The following FGD4 variants were observed in gnomAD, a reference collection of about 807,000 sequenced individuals.
FGD4 encodes FYVE, RhoGEF and PH domain-containing protein 4.
FGD4 carries 42 observed loss-of-function variants against 102.0 expected under a neutral mutation model. That is an observed-to-expected ratio of 0.41 (90% CI 0.32 to 0.53). The LOEUF (loss-of-function observed/expected upper bound fraction) is 0.53, where lower values mean the gene tolerates loss of function less well. Among genes scored for constraint, FGD4 ranks in the 20% least tolerant of loss-of-function variants. FGD4 has a pLI of 0.21. For missense variants in FGD4, 902 were observed against 1,078.2 expected (o/e 0.84, Z 2.29); for synonymous variants, 380 against 375.7 (o/e 1.01, Z -0.13).
At chr12:32,481,123 G>A (rs1478927122) in intron 1 of FGD4, among the ~76,000 whole-genome samples, 3 of 29,100 alleles carry the variant, frequency 1.0e-4, no homozygotes, top group Admixed American at 6.3e-4. Flanking sequence ...GTGAGACTCC[G>A]TCTCAAAAAA....
At chr12:32,425,823 TC>T (rs1192913560) in intron 1 of FGD4, among the ~76,000 whole-genome samples, 1 of 152,178 alleles carries the variant, frequency 6.6e-6, no homozygotes, top group Non-Finnish European at 1.5e-5. Flanking sequence ...GGTATTTTAT[TC>T]TCTTTAGCAG....
intron 1 of FGD4, among the ~76,000 whole-genome samples, chr12:32,451,527 A>C (rs11831709): frequency 2.0e-5 from 3 of 152,198 alleles, no homozygotes; most frequent in South Asian, 2.1e-4. Flanking sequence ...CAAAGAGATC[A>C]CCATTAGTGA....
chr12:32,598,599 TTC>T lies in FGD4; in HGVS notation c.1101+16_1101+17del. 6.3e-7 allele frequency: 1 copy of T among 1,598,216 alleles called. No homozygotes were observed. Among genetic ancestry groups the T allele is most frequent in the Non-Finnish European group, 8.6e-7 (1 of 1,165,698 alleles). On this transcript the variant is annotated intron_variant, in intron 5 of 16. Coordinates refer to ENST00000534526, the MANE Select transcript of FGD4 (RefSeq NM_001370298.3). ...CCTCTTAGATCAGGTAAGATTTTCTTTCTCAGAATTATTTTATATTTTGGCAT... is the reference window on the plus strand; with the variant it reads ...CCTCTTAGATCAGGTAAGATTTTCTTTCAGAATTATTTTATATTTTGGCAT...
chr12:32,592,805 A>T (rs1262024900), intron 4 of FGD4, among the ~76,000 whole-genome samples: 2 of 152,336 alleles, frequency 1.3e-5, no homozygotes, highest in East Asian at 1.9e-4. Context: ...TGTATTTTGT[A>T]TACCTAATAA....
intron 1 of FGD4, among the ~76,000 whole-genome samples, chr12:32,467,679 T>G (rs1297566328): frequency 6.6e-6 from 1 of 152,202 alleles, no homozygotes; most frequent in African/African-American, 2.4e-5. Flanking sequence ...AATCTTGTAT[T>G]TTTTTAATTG....
At chr12:32,518,795 A>AC (rs1372995598) in intron 1 of FGD4, among the ~76,000 whole-genome samples, 1 of 151,146 alleles carries the variant, frequency 6.6e-6, no homozygotes, top group East Asian at 1.9e-4. Flanking sequence ...GACTAAAGAT[A>AC]CTACATCTTT....
intron 1 of FGD4, among the ~76,000 whole-genome samples, chr12:32,474,027 G>A (rs1943516059): frequency 6.6e-6 from 1 of 151,996 alleles, no homozygotes; most frequent in African/African-American, 2.4e-5. Context: ...GGCAGAGGTT[G>A]CAGTGAGCTG....
chr12:32,531,357 C>A (rs956454525), intron 1 of FGD4, among the ~76,000 whole-genome samples: 14 of 152,066 alleles, frequency 9.2e-5, no homozygotes, highest in Non-Finnish European at 2.1e-4. Context: ...GGGTACAATT[C>A]TGAGTTTTGA....
intron 1 of FGD4, among the ~76,000 whole-genome samples, chr12:32,505,619 C>T (rs557521664): frequency 6.6e-6 from 1 of 152,314 alleles, no homozygotes; most frequent in East Asian, 1.9e-4. Flanking sequence ...TTTTCTTGCT[C>T]AGTTGCTTGC....
At chr12:32,413,313 A>G (rs1228223273) in intron 1 of FGD4, among the ~76,000 whole-genome samples, 1 of 152,150 alleles carries the variant, frequency 6.6e-6, no homozygotes, top group South Asian at 2.1e-4. Flanking sequence ...TTATAGAAAA[A>G]AAAACTTTTA....
Position 32,645,490 on chromosome 12 carries a change from A to G in FGD4, c.*4957A>G, listed in dbSNP as rs1473837653. ...AACCCTGTCTCTACTAAATAAAAAT[A>G]AAACAAAATAAGTGTATCTGGGCCA... On this transcript the variant is annotated 3_prime_UTR_variant, in exon 17 of 17. Transcript: ENST00000534526. 1 of 152,062 alleles carries G rather than the reference A, an allele frequency of 6.6e-6. No homozygotes were observed. The highest frequency in any genetic ancestry group is 1.5e-5 in the Non-Finnish European group (1 of 68,064). 9.4% of individuals were successfully genotyped at this position (152,062 alleles called of 1,614,324 possible). A position where few individuals can be genotyped will look rare whatever the true frequency, so the allele number is the denominator to read the frequency against.
rs1193893936 is a variant in FGD4, at chr12:32,495,423, A to G, written c.167-68714A>G. Among the ~76,000 whole-genome samples the G allele has an allele frequency of 6.6e-5, 10 of 152,240 alleles. No individual in the cohort carries two copies. In the South Asian group the frequency reaches 2.1e-3, roughly 32 times the overall value. Reference sequence around the variant, plus strand: ...GGCAGATTGCTTTTCAGGGCTGGGCACGGTGGCTCACGCCTGTAATCCCAG... The same window carrying G: ...GGCAGATTGCTTTTCAGGGCTGGGCGCGGTGGCTCACGCCTGTAATCCCAG... On this transcript the variant is annotated intron_variant, in intron 1 of 16. Transcript: ENST00000534526.
At chr12:32,459,225 G>A (rs745811581) in intron 1 of FGD4, among the ~76,000 whole-genome samples, 1 of 128,900 alleles carries the variant, frequency 7.8e-6, no homozygotes, top group Non-Finnish European at 1.6e-5. Context: ...AGAGTCTCTC[G>A]CTCTATCACC....
chr12:32,600,356 C>G (rs983522772), intron 5 of FGD4: 1 of 762,094 alleles, frequency 1.3e-6, no homozygotes, highest in African/African-American at 1.8e-5. Flanking sequence ...ACTATAGTAA[C>G]CTAACTATTG....
chr12:32,554,872 A>C (rs1943966733), intron 1 of FGD4, among the ~76,000 whole-genome samples: 1 of 152,280 alleles, frequency 6.6e-6, no homozygotes, highest in Non-Finnish European at 1.5e-5. Flanking sequence ...AAGGGGCAAT[A>C]GTGGCCATAA....
rs549305811 is a variant in FGD4 at position 32,619,555 on chromosome 12, C to G, written c.1750-143C>G. 9 of 869,706 alleles carry G rather than the reference C, an allele frequency of 1.0e-5. No homozygotes were observed. The South Asian group carries it at 1.3e-4, about 12-fold the overall frequency. 53.9% of individuals were successfully genotyped at this position (869,706 alleles called of 1,614,324 possible). ...GCTGAGGCAGGAGAATGGCGTGAAC[C>G]CGGGAGGCAGAGCTTACAATGAGCC... On this transcript the variant is annotated intron_variant, in intron 10 of 16. Coordinates refer to ENST00000534526, the MANE Select transcript of FGD4 (RefSeq NM_001370298.3).
intron 1 of FGD4, among the ~76,000 whole-genome samples, chr12:32,406,581 T>G (rs1322479096): frequency 6.6e-6 from 1 of 151,280 alleles, no homozygotes. Flanking sequence ...AAGAAAAAAT[T>G]TATGCATGTG....
chr12:32,529,059 G>A (rs903354309), intron 1 of FGD4, among the ~76,000 whole-genome samples: 14 of 152,322 alleles, frequency 9.2e-5, no homozygotes, highest in South Asian at 4.1e-4. Flanking sequence ...CTTGGCATAC[G>A]TTCAAGAATT....
chr12:32,478,248 A>G (rs180876515), intron 1 of FGD4, among the ~76,000 whole-genome samples: 1 of 152,214 alleles, frequency 6.6e-6, no homozygotes, highest in African/African-American at 2.4e-5. Context: ...AATAACTTAA[A>G]TATTTTTCTT....
Sources: allele counts gnomAD v4.1 joint callset (sites outside exome capture counted in the v4.1 genomes callset), GRCh38; gene constraint gnomAD v4.1.1; transcripts MANE v1.5; gene names NCBI Gene and HGNC (gene_info 2026-07-23, HGNC 2026-07-21).